The following MBD5 variants were observed in gnomAD, a reference collection of about 807,000 sequenced individuals.
The protein encoded by MBD5 is methyl-CpG-binding domain protein 5.
A neutral mutation model predicts 117.3 loss-of-function variants in MBD5; 13 were observed. The observed-to-expected ratio is 0.11, with a 90% CI of 0.07 to 0.18. The LOEUF (loss-of-function observed/expected upper bound fraction) is 0.18, where lower values mean the gene tolerates loss of function less well. Ranked by LOEUF, MBD5 falls within the 10% of genes least tolerant of loss-of-function variation. MBD5 has a pLI of 1.00. For missense variants in MBD5, 1,879 were observed against 2,093.8 expected, an observed-to-expected ratio of 0.90 and a Z score of 2.00; for synonymous variants, 727 against 766.4, an observed-to-expected ratio of 0.95 and a Z score of 0.85.
At chr2:148,228,044 T>G (rs1227435858) in intron 2 of MBD5, among the ~76,000 whole-genome samples, 1 of 152,268 alleles carries the variant, frequency 6.6e-6, no homozygotes, top group East Asian at 1.9e-4. Flanking sequence ...TATACAATCA[T>G]GTCCTCTGCA....
intron 2 of MBD5, among the ~76,000 whole-genome samples, chr2:148,215,055 T>C (rs1180594107): frequency 6.6e-6 from 1 of 152,210 alleles, no homozygotes; most frequent in African/African-American, 2.4e-5. Flanking sequence ...TAAAACTAGA[T>C]ATAGGTTAAG....
rs150444617 is a variant in MBD5 at position 148,034,144 on chromosome 2, G to A, written c.-925+12460G>A. Among the ~76,000 whole-genome samples the A allele has an allele frequency of 1.4e-3, 218 of 152,216 alleles. No individual in the cohort carries two copies. In the East Asian group the frequency reaches 0.027, roughly 19 times the overall value. ...TGCGAGGTCAAGGCTGCAGGGAGCC[G>A]TGATGATGCCACTGTACTCCAGCCT... On this transcript the variant is annotated intron_variant, in intron 1 of 13. Transcript: ENST00000642680.
At chr2:148,185,776 G>A (rs1698638747) in intron 2 of MBD5, among the ~76,000 whole-genome samples, 1 of 152,128 alleles carries the variant, frequency 6.6e-6, no homozygotes, top group South Asian at 2.1e-4. Flanking sequence ...CAGGCATGGT[G>A]GTACGTGCCT....
chr2:148,388,955 T>C (rs1704463832), intron 4 of MBD5, among the ~76,000 whole-genome samples: 1 of 151,834 alleles, frequency 6.6e-6, no homozygotes, highest in South Asian at 2.1e-4. Context: ...TAGTACCCAA[T>C]AGGTAGTTTT....
chr2:148,303,414 C>T (rs1219616930), intron 3 of MBD5, among the ~76,000 whole-genome samples: 1 of 152,150 alleles, frequency 6.6e-6, no homozygotes, highest in African/African-American at 2.4e-5. Context: ...AACAGCACAG[C>T]AGGGAGCAAG....
intron 4 of MBD5, among the ~76,000 whole-genome samples, chr2:148,351,046 T>C (rs1703236866): frequency 6.6e-6 from 1 of 152,076 alleles, no homozygotes; most frequent in South Asian, 2.1e-4. Flanking sequence ...AAGGTATTGC[T>C]TTCTTTTAGT....
chr2:148,122,414 G>T (rs902153702), intron 1 of MBD5, among the ~76,000 whole-genome samples: 1 of 152,186 alleles, frequency 6.6e-6, no homozygotes, highest in Non-Finnish European at 1.5e-5. Flanking sequence ...TGACATATGA[G>T]AGTGTATCTT....
rs575929468 is a variant in MBD5 at position 148,165,937 on chromosome 2, T to G, written c.-924-12763T>G. Among the ~76,000 whole-genome samples the G allele has an allele frequency of 2.0e-5, 3 of 152,312 alleles. No individual in the cohort carries two copies. In the South Asian group the frequency reaches 6.2e-4, roughly 32 times the overall value. Reference sequence around the variant, plus strand: ...ATAGTTATTTTTCTGCATAGTGATTTCAGTTCATTATAAACAGAGAAGATT... The same window carrying G: ...ATAGTTATTTTTCTGCATAGTGATTGCAGTTCATTATAAACAGAGAAGATT... On this transcript the variant is annotated intron_variant, in intron 1 of 13. Coordinates refer to ENST00000642680, the MANE Select transcript of MBD5 (RefSeq NM_001378120.1).
At position 148,052,950 on chromosome 2, in the gene MBD5, A is replaced by C. The variant is rs190075985; in HGVS notation, c.-925+31266A>C. On this transcript the variant is annotated intron_variant, in intron 1 of 13. Transcript: ENST00000642680. ...GCACTCCAACCTGGGCGACAGACCC[A>C]AGAGTTCGTCTCAAAAAAAAAAAAA... Among the ~76,000 whole-genome samples, 235 of 145,406 alleles carry C rather than the reference A, an allele frequency of 1.6e-3. 7 individuals carry two copies. In the East Asian group the frequency reaches 0.037, roughly 23 times the overall value.
At chr2:148,412,358 CAG>C (rs993955587) in intron 4 of MBD5, among the ~76,000 whole-genome samples, 2 of 146,664 alleles carry the variant, frequency 1.4e-5, no homozygotes, top group African/African-American at 5.1e-5. Flanking sequence ...GAGACAGAGA[CAG>C]AGAGAGAGAG....
chr2:148,108,024 A>G (rs538041078), intron 1 of MBD5, among the ~76,000 whole-genome samples: 8 of 152,162 alleles, frequency 5.3e-5, no homozygotes, highest in Non-Finnish European at 8.8e-5. Context: ...ACAGACTTCA[A>G]TGAAGGCTCT....
chr2:148,266,372 T>C (rs1700860752), intron 3 of MBD5, among the ~76,000 whole-genome samples: 1 of 151,990 alleles, frequency 6.6e-6, no homozygotes, highest in Admixed American at 6.6e-5. Context: ...CTTGGCACAT[T>C]AGGAATAGGA....
chr2:148,248,432 AG>A (rs1346119118), intron 3 of MBD5, among the ~76,000 whole-genome samples: 1 of 152,174 alleles, frequency 6.6e-6, no homozygotes, highest in Non-Finnish European at 1.5e-5. Context: ...AGTCCCACGT[AG>A]CTGGCAGAAG....
intron 4 of MBD5, among the ~76,000 whole-genome samples, chr2:148,422,699 C>T (rs931747216): frequency 7.9e-5 from 12 of 152,198 alleles, no homozygotes; most frequent in African/African-American, 2.9e-4. Context: ...AAAGGTTAGA[C>T]AAATGGCTAA....
intron 3 of MBD5, among the ~76,000 whole-genome samples, chr2:148,291,440 T>C (rs893266457): frequency 1.3e-5 from 2 of 152,244 alleles, no homozygotes; most frequent in Admixed American, 6.5e-5. Context: ...TCACAAATAT[T>C]TTAATTTTTT....
At chr2:148,417,809 T>A (rs1004459948) in intron 4 of MBD5, among the ~76,000 whole-genome samples, 1 of 151,038 alleles carries the variant, frequency 6.6e-6, no homozygotes, top group African/African-American at 2.4e-5. Flanking sequence ...ATGGGTTGGG[T>A]TTTTTTTTGT....
intron 12 of MBD5, among the ~76,000 whole-genome samples, chr2:148,506,243 A>T (rs1371252466): frequency 6.6e-6 from 1 of 152,226 alleles, no homozygotes; most frequent in Non-Finnish European, 1.5e-5. Flanking sequence ...TTGTACTTAA[A>T]AGCAGAAATA....
intron 3 of MBD5, among the ~76,000 whole-genome samples, chr2:148,337,953 T>A (rs1373540805): frequency 6.6e-6 from 1 of 152,174 alleles, no homozygotes; most frequent in Non-Finnish European, 1.5e-5. Flanking sequence ...TCCTGAAATG[T>A]AGCAGATGAT....
At chr2:148,080,838 A>G (rs1258304180) in intron 1 of MBD5, among the ~76,000 whole-genome samples, 8 of 152,190 alleles carry the variant, frequency 5.3e-5, no homozygotes, top group African/African-American at 1.4e-4. Context: ...ATGTATGGAA[A>G]TTCTGAGTGA....
Sources: allele counts gnomAD v4.1 joint callset (sites outside exome capture counted in the v4.1 genomes callset), GRCh38; gene constraint gnomAD v4.1.1; transcripts MANE v1.5; gene names NCBI Gene and HGNC (gene_info 2026-07-23, HGNC 2026-07-21).